The following NEB variants were observed in gnomAD, a reference collection of about 807,000 sequenced individuals.
NEB encodes the protein nemaline myopathy type 2.
NEB carries 512 observed loss-of-function variants against 952.2 expected under a neutral mutation model. The ratio of observed to expected loss-of-function variants is 0.54; its 90% CI spans 0.50 to 0.58. The LOEUF (loss-of-function observed/expected upper bound fraction) is 0.58, where lower values mean the gene tolerates loss of function less well. NEB is among the 20% of genes least tolerant of loss of function. The pLI is 0.00. For synonymous variants in NEB, 2,900 were observed against 3,149.8 expected (o/e 0.92, Z 2.66); for missense variants, 8,428 against 9,231.1 (o/e 0.91, Z 3.56).
chr2:151,550,832 G>C (rs2095277032), intron 129 of NEB, among the ~76,000 whole-genome samples: 1 of 151,728 alleles, frequency 6.6e-6, no homozygotes, highest in African/African-American at 2.4e-5. Flanking sequence ...TTTTTGTTCA[G>C]ACAGGGTTTC....
At position 151,513,692 on chromosome 2, in the gene NEB, T is replaced by C; in HGVS notation, c.23129A>G (p.Lys7710Arg). Residue 7710 changes from lysine to arginine, a missense_variant and splice_region_variant, in exon 160 of 182, where the codon AAA (lysine) becomes AGA (arginine). This residue lies in a region of NEB where 3,374 missense variants were observed against 3,651.5 expected (regional missense o/e 0.92). Coordinates refer to ENST00000397345, the MANE Select transcript of NEB (RefSeq NM_001164508.2). Reference sequence around the variant, plus strand: ...CAGTTCCAGGTCTCGCTTATATTCTTTCTATAGTAGCATTAAAAGAAAAAA... The same window carrying C: ...CAGTTCCAGGTCTCGCTTATATTCTCTCTATAGTAGCATTAAAAGAAAAAA... ...AKNATQILNE[K>R]EYKRDLELEV... 2 of 1,588,084 alleles carry C rather than the reference T, an allele frequency of 1.3e-6. No homozygotes were observed. The highest frequency in any genetic ancestry group is 2.3e-5 in the South Asian group (2 of 87,406).
intron 145 of NEB, among the ~76,000 whole-genome samples, chr2:151,529,773 G>A (rs185515742): frequency 6.6e-5 from 10 of 152,144 alleles, no homozygotes; most frequent in South Asian, 2.1e-4. Flanking sequence ...AGGTGATCCC[G>A]CCCACCTCAG....
chr2:151,528,471 A>T (rs903379585), intron 146 of NEB, among the ~76,000 whole-genome samples: 1 of 152,168 alleles, frequency 6.6e-6, no homozygotes, highest in Non-Finnish European at 1.5e-5. Flanking sequence ...GGATTTTGCA[A>T]GGTACGTTTT....
At chr2:151,709,348 T>C (rs1168703648) in intron 12 of NEB, among the ~76,000 whole-genome samples, 2 of 152,200 alleles carry the variant, frequency 1.3e-5, no homozygotes, top group Non-Finnish European at 2.9e-5. Flanking sequence ...AATTGATAAA[T>C]GTACAGTTTG....
At position 151,518,982 on chromosome 2, in the gene NEB, T is replaced by C. The variant is rs2080065314; in HGVS notation, c.22678A>G (p.Ser7560Gly). ...GAGCTTACAGAACTGGCAAGTTGGC[T>C]TGTATTCAGGACATGATTCATGATC... Reference protein sequence around the residue: ...SLIMNHVLNTSQLASSYQYKK... With the variant: ...SLIMNHVLNTGQLASSYQYKK... The change falls in exon 155 of 182, where the codon AGC (serine) becomes GGC (glycine). Residue 7560 changes from serine to glycine, a missense_variant. Ser to Gly is a moderately conservative substitution (Grantham distance 56). Coordinates refer to ENST00000397345, the MANE Select transcript of NEB (RefSeq NM_001164508.2). The C allele has an allele frequency of 6.2e-7, 1 of 1,612,934 alleles. No individual in the cohort carries two copies. Among genetic ancestry groups the C allele is most frequent in the African/African-American group, 1.3e-5 (1 of 75,040 alleles).
At position 151,531,845 on chromosome 2, in the gene NEB, C is replaced by A. The variant is rs1576490497; in HGVS notation, c.21469G>T (p.Val7157Leu). ...GTACGCAGGTGTTCTGGAGTATCCA[C>A]AATTGAGGTAAATTTGTCCTTTGAT... ...EKSKDKFTSI[V>L]DTPEHLRTTK... The change falls in exon 144 of 182, where the codon GTG (valine) becomes TTG (leucine). Residue 7157 changes from valine to leucine, a missense_variant. Coordinates refer to ENST00000397345, the MANE Select transcript of NEB (RefSeq NM_001164508.2). 6.2e-7 allele frequency: 1 copy of A among 1,613,014 alleles called. No homozygotes were observed. Among genetic ancestry groups the A allele is most frequent in the Admixed American group, 1.7e-5 (1 of 59,968 alleles).
At chr2:151,495,958 C>T (rs923164520) in intron 173 of NEB, among the ~76,000 whole-genome samples, 7 of 152,080 alleles carry the variant, frequency 4.6e-5, no homozygotes, top group African/African-American at 1.2e-4. Context: ...CACACGTACC[C>T]GTCCTAAATT....
intron 93 of NEB, 32 bp downstream of exon 93, chr2:151,593,975 A>G: frequency 1.0e-5 from 4 of 385,600 alleles, no homozygotes; most frequent in Non-Finnish European, 1.8e-5. Context: ...ACAAATACAC[A>G]TCTCCCCGGG....
In NEB at chr2:151,706,891, G is replaced by T; in HGVS notation, c.1142C>A (p.Ala381Asp). The change falls in exon 13 of 182, where the codon GCC becomes GAC. Residue 381 changes from alanine (A) to aspartate (D), a missense_variant. By Grantham distance (126) the Ala-to-Asp change is moderately radical (BLOSUM62 -2). This residue lies in a region of NEB where 2,851 missense variants were observed against 2,791.5 expected (regional missense o/e 1.02). Transcript: ENST00000397345. The part of the protein sequence containing the change: ...QLRQLKAAGD[A>D]LSDKLYKENY... Reference sequence around the variant, plus strand: ...CAAAAATATACTTACGTCACTTAGGGCATCTCCTGCTGCCTTCAGCTGCCT... The same window carrying T: ...CAAAAATATACTTACGTCACTTAGGTCATCTCCTGCTGCCTTCAGCTGCCT... 3 of 1,599,672 alleles carry T rather than the reference G, an allele frequency of 1.9e-6. No homozygotes were observed. Among genetic ancestry groups the T allele is most frequent in the Non-Finnish European group, 2.6e-6 (3 of 1,172,102 alleles).
chr2:151,514,668 A>G, intron 158 of NEB, 150 bp downstream of exon 158: 2 of 642,090 alleles, frequency 3.1e-6, no homozygotes, highest in South Asian at 2.0e-5. Context: ...AACATGGGTA[A>G]TAGATTAGGT....
In NEB at chr2:151,499,357, G is replaced by C; in HGVS notation, c.24055C>G (p.Pro8019Ala). 6.5e-7 allele frequency: 1 copy of C among 1,546,222 alleles called. No individual in the cohort carries two copies. ...TCCATCTCTGGAGTGATGGGGATTG[G>C]AATCCCTTTTCCAACGTTTTCTTTA... ...LYKENVGKGI[P>A]IPITPEMERV... Residue 8019 changes from proline to alanine, a missense_variant, in exon 169 of 182, where the codon CCA becomes GCA. By Grantham distance (27) the Pro-to-Ala change is conservative (BLOSUM62 -1). Around this residue, in one of 11 missense-constraint regions of NEB, gnomAD observed 3,374 missense variants for 3,651.5 expected, o/e 0.92. Coordinates refer to ENST00000397345, the MANE Select transcript of NEB (RefSeq NM_001164508.2).
At chr2:151,664,646 T>G in intron 43 of NEB, 38 bp from the exon 44 acceptor site, 2 of 1,559,312 alleles carry the variant, frequency 1.3e-6, no homozygotes. Context: ...CATCTTGTTA[T>G]TGGGGTTAGA....
rs746481799 is a variant in NEB at position 151,655,265 on chromosome 2, T to C, written c.6807+5A>G. The C allele has an allele frequency of 1.6e-5, 24 of 1,490,916 alleles. No individual in the cohort carries two copies. In the African/African-American group the frequency reaches 2.8e-4, roughly 17 times the overall value. The allele number at this position is 1,490,916 out of a possible 1,614,324, so 92.4% of individuals were successfully genotyped here. On this transcript the variant is annotated splice_donor_5th_base_variant and intron_variant, in intron 51 of 181. Coordinates refer to ENST00000397345, the MANE Select transcript of NEB (RefSeq NM_001164508.2). ...AACTTAAAATTAATTTTTATATAAA[T>C]TTACCTGACTATACAGTGTTTGATT...
chr2:151,577,909 C>T (rs138054267), intron 105 of NEB, among the ~76,000 whole-genome samples: 1,826 of 152,216 alleles, frequency 0.012, 19 homozygotes, highest in Middle Eastern at 0.044. Flanking sequence ...TCTTTATTCA[C>T]CATGGTATCT....
At chr2:151,559,377 G>C (rs553336450) in intron 124 of NEB, among the ~76,000 whole-genome samples, 2 of 152,314 alleles carry the variant, frequency 1.3e-5, no homozygotes, top group Admixed American at 1.3e-4. Flanking sequence ...GTGGAAGACA[G>C]TGTGGTGATT....
At chr2:151,501,201 A>G (rs1366052060) in intron 168 of NEB, among the ~76,000 whole-genome samples, 190 bp downstream of exon 168, 1 of 152,240 alleles carries the variant, frequency 6.6e-6, no homozygotes, top group Non-Finnish European at 1.5e-5. Flanking sequence ...AGGGACTATT[A>G]TAGAAAGTAT....
chr2:151,566,473 G>A (rs975299626), intron 114 of NEB, among the ~76,000 whole-genome samples: 2 of 152,114 alleles, frequency 1.3e-5, no homozygotes, highest in East Asian at 1.9e-4. Context: ...TGACTTCCAG[G>A]TTCCCTTTTG....
intron 75 of NEB, among the ~76,000 whole-genome samples, 159 bp from the exon 76 acceptor site, chr2:151,616,268 T>G (rs935772293): frequency 6.6e-6 from 1 of 152,096 alleles, no homozygotes; most frequent in Non-Finnish European, 1.5e-5. Context: ...GTGCTTAGGA[T>G]TTTTAAGGCA....
intron 105 of NEB, among the ~76,000 whole-genome samples, chr2:151,578,517 C>T (rs893498458): frequency 9.9e-5 from 15 of 151,244 alleles, no homozygotes; most frequent in African/African-American, 2.4e-4. Flanking sequence ...AAAAATCAGC[C>T]GACTGTGGTG....
Sources: allele counts gnomAD v4.1 joint callset (sites outside exome capture counted in the v4.1 genomes callset), GRCh38; gene constraint gnomAD v4.1.1; regional missense constraint gnomAD v4.1.1; transcripts MANE v1.5; gene names NCBI Gene and HGNC (gene_info 2026-07-23, HGNC 2026-07-21).